CCDC178: variants seen among roughly 807,000 people sequenced by gnomAD.
CCDC178 encodes the protein coiled-coil domain containing 178, also known as coiled-coil domain-containing protein 178.
CCDC178 carries 126 observed loss-of-function variants against 117.4 expected under a neutral mutation model. The observed-to-expected ratio is 1.07, with a 90% CI of 0.93 to 1.24. The LOEUF is 1.24. Ranked by LOEUF, CCDC178 falls within the 50% of genes most tolerant of loss-of-function variation. The probability of loss-of-function intolerance (pLI) is 0.00; values close to 1 mark genes in which losing one functional copy is unlikely to be tolerated. For missense variants in CCDC178, 1,030 were observed against 986.9 expected (o/e 1.04, Z -0.59); for synonymous variants, 283 against 313.4 (o/e 0.90, Z 1.02).
chr18:33,148,982 T>C (rs1478961755), intron 20 of CCDC178, among the ~76,000 whole-genome samples: 2 of 152,198 alleles, frequency 1.3e-5, no homozygotes, highest in East Asian at 1.9e-4. Flanking sequence ...TTCTGGCCAA[T>C]GCGCTGTAAA....
At chr18:33,263,794 A>G (rs2059780370) in intron 14 of CCDC178, among the ~76,000 whole-genome samples, 1 of 152,136 alleles carries the variant, frequency 6.6e-6, no homozygotes, top group South Asian at 2.1e-4. Context: ...CAAGGACACA[A>G]GTTGAAAAAT....
intron 20 of CCDC178, among the ~76,000 whole-genome samples, chr18:33,181,375 G>A (rs1366753076): frequency 6.6e-6 from 1 of 151,634 alleles, no homozygotes; most frequent in African/African-American, 2.4e-5. Flanking sequence ...CTTTAAAAGG[G>A]CCCCCTAAAA....
chr18:33,285,802 G>C (rs573554881), intron 12 of CCDC178, among the ~76,000 whole-genome samples: 1 of 151,988 alleles, frequency 6.6e-6, no homozygotes, highest in South Asian at 2.1e-4. Context: ...TCTTTAGCAT[G>C]GTCATTAGTA....
Position 33,226,875 on chromosome 18 carries a change from T to G in CCDC178, c.1594-20A>C. On this transcript the variant is annotated intron_variant, in intron 15 of 22. Coordinates refer to ENST00000383096, the MANE Select transcript of CCDC178 (RefSeq NM_001105528.4). ...TCTACCCTATATGTTAGGAAATTTT[T>G]AAAATGAGGATTTTCTTCATAAAAC... The G allele has an allele frequency of 7.2e-7, 1 of 1,397,902 alleles. No individual in the cohort carries two copies. Among genetic ancestry groups the G allele is most frequent in the Non-Finnish European group, 9.8e-7 (1 of 1,019,678 alleles). 86.6% of individuals were successfully genotyped at this position (1,397,902 alleles called of 1,614,324 possible).
chr18:33,346,404 C>T lies in CCDC178; in HGVS notation c.465G>A (p.Lys155=), dbSNP rs780948904. The T allele has an allele frequency of 3.1e-6, 5 of 1,604,406 alleles. No individual in the cohort carries two copies. Among genetic ancestry groups the T allele is most frequent in the Non-Finnish European group, 4.3e-6 (5 of 1,172,816 alleles). ...CCATTTCCTGCTTTAACTCTGGACA[C>T]TTTTCATCTTAAACAGAAATAAATA... ...EVKPGEKRDE[K]CPELKQEMET... Residue 155 remains lysine (K), a synonymous_variant, in exon 9 of 23, where the codon AAG becomes AAA. Transcript: ENST00000383096.
intron 5 of CCDC178, 25 bp downstream of exon 5, chr18:33,389,515 T>C: frequency 8.7e-7 from 1 of 1,151,616 alleles, no homozygotes; most frequent in Non-Finnish European, 1.2e-6. Flanking sequence ...TATAGTTTAC[T>C]ATATGATTTA....
intron 21 of CCDC178, among the ~76,000 whole-genome samples, chr18:32,997,982 T>A (rs1478736315): frequency 6.6e-6 from 1 of 152,190 alleles, no homozygotes; most frequent in East Asian, 1.9e-4. Context: ...TGAACAACTA[T>A]CCACACAAAA....
At chr18:33,129,458 AT>A in intron 20 of CCDC178, among the ~76,000 whole-genome samples, 1 of 152,038 alleles carries the variant, frequency 6.6e-6, no homozygotes, top group East Asian at 1.9e-4. Context: ...AATCATGGCA[AT>A]TTTATGCCCT....
At chr18:33,213,273 T>C (rs933503937) in intron 19 of CCDC178, among the ~76,000 whole-genome samples, 9 of 152,046 alleles carry the variant, frequency 5.9e-5, no homozygotes, top group African/African-American at 1.9e-4. Flanking sequence ...CTCTTCGTTA[T>C]AGCTGTTATC....
chr18:33,051,133 G>A (rs558364518), intron 21 of CCDC178, among the ~76,000 whole-genome samples: 21 of 152,094 alleles, frequency 1.4e-4, no homozygotes, highest in African/African-American at 4.8e-4. Flanking sequence ...AGCTGGTCTC[G>A]AACTCCTGAC....
chr18:32,958,998 TC>T (rs2054649890), intron 22 of CCDC178, among the ~76,000 whole-genome samples: 1 of 152,054 alleles, frequency 6.6e-6, no homozygotes, highest in African/African-American at 2.4e-5. Flanking sequence ...AGTTACCAAA[TC>T]CCCCAAATGT....
intron 20 of CCDC178, among the ~76,000 whole-genome samples, chr18:33,196,418 TC>T (rs888342170): frequency 3.9e-5 from 6 of 152,154 alleles, no homozygotes; most frequent in Admixed American, 1.3e-4. Context: ...GCTATATGTT[TC>T]CCCTTGGCTA....
At chr18:33,390,243 T>C (rs2063547966) in intron 4 of CCDC178, among the ~76,000 whole-genome samples, 1 of 151,710 alleles carries the variant, frequency 6.6e-6, no homozygotes, top group African/African-American at 2.4e-5. Context: ...TGTTTCAAAA[T>C]TCTAAAACAT....
At chr18:33,141,125 T>C (rs1203479037) in intron 20 of CCDC178, among the ~76,000 whole-genome samples, 6 of 152,186 alleles carry the variant, frequency 3.9e-5, no homozygotes, top group Non-Finnish European at 8.8e-5. Context: ...TGTAAGTCAA[T>C]TAAACCTCTT....
In CCDC178 at chr18:33,389,610, A is replaced by T; in HGVS notation, c.138T>A (p.Ser46Arg). 1 of 1,503,524 alleles carries T rather than the reference A, an allele frequency of 6.7e-7. No individual in the cohort carries two copies. Among genetic ancestry groups the T allele is most frequent in the Non-Finnish European group, 8.9e-7 (1 of 1,128,560 alleles). 93.1% of individuals were successfully genotyped at this position (1,503,524 alleles called of 1,614,324 possible). ...CCTTAGAGGCTCCATATAGAACCAA[A>T]CTTTGAGACATGGCATTGCCTTTTA... ...RTNEGNAMSQ[S>R]LVLYGASKEN... is the part of the protein sequence containing the mutation. The change falls in exon 5 of 23, where the codon AGT becomes AGA. Residue 46 changes from serine (S) to arginine (R), a missense_variant. By Grantham distance (110) the Ser-to-Arg change is moderately radical. Coordinates refer to ENST00000383096, the MANE Select transcript of CCDC178 (RefSeq NM_001105528.4).
chr18:33,399,583 A>T, intron 3 of CCDC178, among the ~76,000 whole-genome samples: 1 of 152,186 alleles, frequency 6.6e-6, no homozygotes, highest in Non-Finnish European at 1.5e-5. Context: ...ATCTCAGGAA[A>T]CCACTTTCTT....
chr18:33,136,836 G>A (rs970794012), intron 20 of CCDC178, among the ~76,000 whole-genome samples: 3 of 152,044 alleles, frequency 2.0e-5, no homozygotes, highest in African/African-American at 7.2e-5. Flanking sequence ...CAAGAGGCCA[G>A]TGAAAAAATG....
intron 20 of CCDC178, among the ~76,000 whole-genome samples, chr18:33,112,866 A>C (rs2057803142): frequency 1.3e-5 from 2 of 151,996 alleles, no homozygotes; most frequent in African/African-American, 2.4e-5. Flanking sequence ...ACAGAGGGAA[A>C]ACAGGAAAAT....
At chr18:33,247,203 T>C (rs929219660) in intron 14 of CCDC178, among the ~76,000 whole-genome samples, 6 of 151,754 alleles carry the variant, frequency 4.0e-5, no homozygotes, top group African/African-American at 7.3e-5. Flanking sequence ...TTAAGAAATA[T>C]CTTGTTTCCA....
Sources: allele counts gnomAD v4.1 joint callset (sites outside exome capture counted in the v4.1 genomes callset), GRCh38; gene constraint gnomAD v4.1.1; transcripts MANE v1.5; gene names NCBI Gene and HGNC (gene_info 2026-07-23, HGNC 2026-07-21).